The following TRPM7 variants were observed in gnomAD, a reference collection of about 807,000 sequenced individuals.
TRPM7 encodes the protein LTRPC ion channel family member 7.
TRPM7 carries 134 observed loss-of-function variants against 229.7 expected under a neutral mutation model. The ratio of observed to expected loss-of-function variants is 0.58; its 90% CI spans 0.51 to 0.67. TRPM7 has a LOEUF of 0.67. Ranked by LOEUF, TRPM7 falls within the 30% of genes least tolerant of loss-of-function variation. The pLI is 0.00. For synonymous variants in TRPM7, 699 were observed against 715.2 expected (o/e 0.98, Z 0.36); for missense variants, 1,901 against 2,210.0 (o/e 0.86, Z 2.80).
intron 3 of TRPM7, among the ~76,000 whole-genome samples, chr15:50,651,274 G>C (rs938896346): frequency 3.9e-5 from 6 of 152,122 alleles, no homozygotes; most frequent in African/African-American, 1.4e-4. Flanking sequence ...ACTAAATGAA[G>C]ACCAGAAAAG....
At chr15:50,593,338 T>C (rs1450320187) in intron 25 of TRPM7, among the ~76,000 whole-genome samples, 3 of 151,790 alleles carry the variant, frequency 2.0e-5, no homozygotes, top group South Asian at 4.2e-4. Context: ...TAATAAAAAA[T>C]GCTGTAAAAT....
intron 1 of TRPM7, among the ~76,000 whole-genome samples, chr15:50,677,996 T>C (rs192334514): frequency 3.2e-4 from 49 of 151,650 alleles, no homozygotes; most frequent in Admixed American, 1.4e-3. Flanking sequence ...TCCCAGCACT[T>C]TGGGAGGCCG....
intron 9 of TRPM7, among the ~76,000 whole-genome samples, chr15:50,632,616 G>A (rs1567046493): frequency 1.3e-5 from 2 of 152,060 alleles, no homozygotes; most frequent in East Asian, 3.9e-4. Flanking sequence ...TTGAGACCTA[G>A]TTACTTTTCC....
chr15:50,604,688 T>G, intron 21 of TRPM7, 178 bp downstream of exon 21: 1 of 603,168 alleles, frequency 1.7e-6, no homozygotes. Flanking sequence ...TAAATGGGTA[T>G]AGGGGATTGG....
chr15:50,593,676 A>C lies in TRPM7; in HGVS notation c.3549T>G (p.Asn1183Lys). The C allele has an allele frequency of 6.2e-7, 1 of 1,611,970 alleles. No homozygotes were observed. The highest frequency in any genetic ancestry group is 8.5e-7 in the Non-Finnish European group (1 of 1,179,270). ...CAGAATGAAATTTGTCATCTTTTTC[A>C]TTGAAATACATTTCAACACACTGCT... ...FEEQCVEMYF[N>K]EKDDKFHSGS... The change falls in exon 25 of 39, where the codon AAT (asparagine) becomes AAG (lysine). Residue 1183 changes from asparagine (N) to lysine (K), a missense_variant. By Grantham distance (94) the Asn-to-Lys change is moderately conservative. Coordinates refer to ENST00000646667, the MANE Select transcript of TRPM7 (RefSeq NM_017672.6).
chr15:50,670,787 C>T (rs1323860121), intron 1 of TRPM7, among the ~76,000 whole-genome samples: 1 of 144,064 alleles, frequency 6.9e-6, no homozygotes, highest in Non-Finnish European at 1.5e-5. Flanking sequence ...CTTGCCTTCA[C>T]TTTACTGTAA....
rs2053183639 is a variant in TRPM7 at position 50,557,663 on chromosome 15, G to T, written c.*4015C>A. On this transcript the variant is annotated 3_prime_UTR_variant, in exon 39 of 39. Coordinates refer to ENST00000646667, the MANE Select transcript of TRPM7 (RefSeq NM_017672.6). ...GAAAAGAATTCCACATCTTTTTTTT[G>T]AGACAGAGTTCTGCTGTCACCCAGG... is the stretch of plus-strand genomic sequence containing the variant. The T allele has an allele frequency of 6.6e-6, 1 of 151,600 alleles. No individual in the cohort carries two copies. Among genetic ancestry groups the T allele is most frequent in the Non-Finnish European group, 1.5e-5 (1 of 67,900 alleles). The allele number at this position is 151,600 out of a possible 1,614,324, so 9.4% of individuals were successfully genotyped here.
intron 1 of TRPM7, among the ~76,000 whole-genome samples, chr15:50,672,254 T>C (rs1596344114): frequency 6.6e-6 from 1 of 152,084 alleles, no homozygotes; most frequent in East Asian, 1.9e-4. Flanking sequence ...ATTTTCACCA[T>C]GTTAGCCAGG....
chr15:50,591,525 C>T (rs75779542), intron 26 of TRPM7, among the ~76,000 whole-genome samples: 2,156 of 146,338 alleles, frequency 0.015, 60 homozygotes, highest in African/African-American at 0.053. Flanking sequence ...GAGACAGGGT[C>T]TCATTCTGTC....
chr15:50,621,137 G>T (rs1206832720), intron 12 of TRPM7, among the ~76,000 whole-genome samples: 1 of 120,408 alleles, frequency 8.3e-6, no homozygotes, highest in Admixed American at 1.2e-4. Flanking sequence ...TCCAGCCTGG[G>T]CAACAGCGAG....
intron 2 of TRPM7, 93 bp from the exon 3 acceptor site, chr15:50,657,912 A>G: frequency 1.1e-6 from 1 of 898,396 alleles, no homozygotes; most frequent in Admixed American, 2.5e-5. Flanking sequence ...AACAAAAAAA[A>G]TTATATACCT....
intron 1 of TRPM7, among the ~76,000 whole-genome samples, chr15:50,671,913 C>T (rs1175654528): frequency 6.6e-6 from 1 of 152,112 alleles, no homozygotes; most frequent in African/African-American, 2.4e-5. Context: ...CCTGCACTGC[C>T]AGTTACATAG....
intron 1 of TRPM7, 84 bp downstream of exon 1, chr15:50,686,447 C>A (rs2062362754): frequency 6.2e-7 from 1 of 1,609,174 alleles, no homozygotes; most frequent in South Asian, 1.1e-5. Context: ...AACGCGGCTC[C>A]CCACACACTT....
intron 19 of TRPM7, among the ~76,000 whole-genome samples, chr15:50,608,646 T>C (rs1309935648): frequency 1.3e-5 from 2 of 152,204 alleles, no homozygotes; most frequent in East Asian, 1.9e-4. Flanking sequence ...CATTTTCATA[T>C]AGAGGTGTAA....
chr15:50,624,308 T>A lies in TRPM7; in HGVS notation c.1306-8A>T. 2 of 1,565,018 alleles carry A rather than the reference T, an allele frequency of 1.3e-6. No homozygotes were observed. The highest frequency in any genetic ancestry group is 1.7e-6 in the Non-Finnish European group (2 of 1,159,172). ...TTGTTCCAAGGATCCAACCTAGGAG[T>A]ATCAAATTTAATAAATACATATTTC... On this transcript the variant is annotated splice_region_variant and splice_polypyrimidine_tract_variant and intron_variant, in intron 11 of 38. Coordinates refer to ENST00000646667, the MANE Select transcript of TRPM7 (RefSeq NM_017672.6).
intron 20 of TRPM7, among the ~76,000 whole-genome samples, chr15:50,606,451 A>G (rs1408386987): frequency 6.6e-6 from 1 of 152,208 alleles, no homozygotes; most frequent in Non-Finnish European, 1.5e-5. Context: ...AAGTATAAAT[A>G]TTACGAAAAA....
At chr15:50,679,525 TATATATATATATA>T (rs2062191030) in intron 1 of TRPM7, among the ~76,000 whole-genome samples, 2 of 48,896 alleles carry the variant, frequency 4.1e-5, no homozygotes, top group South Asian at 6.2e-4. Context: ...TATATATATA[TATATATATATATA>T]TTTTTTTTTT....
intron 2 of TRPM7, among the ~76,000 whole-genome samples, chr15:50,661,815 A>G (rs974451869): frequency 2.0e-5 from 3 of 152,232 alleles, no homozygotes; most frequent in Admixed American, 1.3e-4. Flanking sequence ...TACTTTTGTC[A>G]ATTAATTTTC....
chr15:50,631,538 A>G (rs775098187), intron 9 of TRPM7, 49 bp from the exon 10 acceptor site: 1 of 1,307,464 alleles, frequency 7.6e-7, no homozygotes, highest in Admixed American at 1.9e-5. Context: ...TTTTAAAACA[A>G]AGGCATCATA....
Sources: gnomAD v4.1 joint callset for allele counts (sites outside exome capture counted in the v4.1 genomes callset) on GRCh38, gnomAD v4.1.1 for gene constraint, MANE v1.5 for transcripts, NCBI Gene and HGNC (gene_info 2026-07-23, HGNC 2026-07-21) for gene names.